Variants in ARHGAP15 observed in about 807,000 individuals in gnomAD.
The protein encoded by ARHGAP15 is Rho GTPase activating protein 15, also known as rho GTPase-activating protein 15.
ARHGAP15 carries 51 observed loss-of-function variants against 63.7 expected under a neutral mutation model. The ratio of observed to expected loss-of-function variants is 0.80; its 90% confidence interval spans 0.64 to 1.01. The LOEUF is 1.01. ARHGAP15 is among the 50% of genes least tolerant of loss of function. The pLI is 0.00. For missense variants in ARHGAP15, 560 were observed against 564.6 expected, an observed-to-expected ratio of 0.99 and a Z score of 0.08; for synonymous variants, 191 against 193.8, an observed-to-expected ratio of 0.99 and a Z score of 0.12.
intron 6 of ARHGAP15, among the ~76,000 whole-genome samples, chr2:143,368,955 T>C (rs1686419399): frequency 6.6e-6 from 1 of 152,044 alleles, no homozygotes; most frequent in Non-Finnish European, 1.5e-5. Flanking sequence ...AAATGTATAG[T>C]CAACAGAGAA....
chr2:143,324,258 T>C (rs527870366), intron 6 of ARHGAP15, among the ~76,000 whole-genome samples: 3 of 151,926 alleles, frequency 2.0e-5, no homozygotes, highest in African/African-American at 4.8e-5. Context: ...AAGGTTAATA[T>C]TTTTTTTACA....
chr2:143,672,507 A>G (rs77807267), intron 12 of ARHGAP15, among the ~76,000 whole-genome samples: 2,879 of 152,310 alleles, frequency 0.019, 76 homozygotes, highest in African/African-American at 0.065. Context: ...ATTTTATCAC[A>G]TAATATCTGT....
chr2:143,270,675 T>C (rs1043638675), intron 6 of ARHGAP15, among the ~76,000 whole-genome samples: 2 of 152,214 alleles, frequency 1.3e-5, no homozygotes, highest in Non-Finnish European at 2.9e-5. Flanking sequence ...ATAGTATTAC[T>C]GTTTTAGTTA....
chr2:143,235,924 C>T (rs762052875), intron 5 of ARHGAP15: 8 of 1,543,370 alleles, frequency 5.2e-6, no homozygotes, highest in Non-Finnish European at 7.0e-6. Flanking sequence ...TCCTAAGTAC[C>T]TGCTGTACTT....
intron 12 of ARHGAP15, among the ~76,000 whole-genome samples, chr2:143,684,676 T>C (rs1236823369): frequency 1.3e-5 from 2 of 152,226 alleles, no homozygotes; most frequent in Non-Finnish European, 2.9e-5. Context: ...GTTAAACTGA[T>C]GTAGCATGCA....
In ARHGAP15 at chr2:143,511,770, T is replaced by A. The variant is rs919938831; in HGVS notation, c.827-7496T>A. ...CATGGCTCAAATGGATTTCTATCATTGAATTGTCCTCCTTGGTGTATGAAA... is the reference window on the plus strand; with the variant it reads ...CATGGCTCAAATGGATTTCTATCATAGAATTGTCCTCCTTGGTGTATGAAA... On this transcript the variant is annotated intron_variant, in intron 9 of 13. Coordinates refer to ENST00000295095, the MANE Select transcript of ARHGAP15 (RefSeq NM_018460.4). Among the ~76,000 whole-genome samples the A allele has an allele frequency of 3.9e-5, 6 of 152,238 alleles. No individual in the cohort carries two copies. In the South Asian group the frequency reaches 1.2e-3, roughly 32 times the overall value.
chr2:143,762,467 A>C (rs1268171207), intron 13 of ARHGAP15, among the ~76,000 whole-genome samples: 1 of 152,198 alleles, frequency 6.6e-6, no homozygotes, highest in Admixed American at 6.6e-5. Flanking sequence ...AGAGGGGTGG[A>C]ACTAGCCGGA....
chr2:143,310,167 ATGTTATTTTTT>A (rs1683372378), intron 6 of ARHGAP15, among the ~76,000 whole-genome samples: 1 of 152,012 alleles, frequency 6.6e-6, no homozygotes, highest in African/African-American at 2.4e-5. Context: ...AAGCAGTCTG[ATGTTATTTTTT>A]TGTTTACAGT....
chr2:143,535,898 C>T (rs1694732961), intron 10 of ARHGAP15, among the ~76,000 whole-genome samples: 1 of 152,084 alleles, frequency 6.6e-6, no homozygotes, highest in Non-Finnish European at 1.5e-5. Context: ...TATCAATGAA[C>T]ATCAGCATAT....
At chr2:143,584,585 C>T (rs1407569126) in intron 11 of ARHGAP15, among the ~76,000 whole-genome samples, 5 of 152,032 alleles carry the variant, frequency 3.3e-5, no homozygotes. Flanking sequence ...AAGATCATGC[C>T]ACTGCACTCA....
chr2:143,459,668 A>T (rs1690832921), intron 8 of ARHGAP15, among the ~76,000 whole-genome samples: 1 of 152,172 alleles, frequency 6.6e-6, no homozygotes, highest in African/African-American at 2.4e-5. Context: ...TGTACTCCTC[A>T]AACGATTTCA....
chr2:143,272,573 A>G (rs1681340266), intron 6 of ARHGAP15, among the ~76,000 whole-genome samples: 1 of 152,172 alleles, frequency 6.6e-6, no homozygotes, highest in Non-Finnish European at 1.5e-5. Context: ...GAATTGCTTG[A>G]TCCCAGGAGA....
intron 8 of ARHGAP15, among the ~76,000 whole-genome samples, chr2:143,445,314 C>T (rs1215990442): frequency 4.0e-5 from 6 of 151,846 alleles, no homozygotes; most frequent in Admixed American, 2.6e-4. Flanking sequence ...GCTCGGGCAA[C>T]ACCACGCCTG....
intron 13 of ARHGAP15, among the ~76,000 whole-genome samples, chr2:143,727,990 T>C (rs914798769): frequency 6.6e-6 from 1 of 152,240 alleles, no homozygotes; most frequent in Non-Finnish European, 1.5e-5. Context: ...TTTTTCTATA[T>C]TATACTGCAG....
At chr2:143,635,504 C>A (rs993525514) in intron 12 of ARHGAP15, among the ~76,000 whole-genome samples, 1 of 152,066 alleles carries the variant, frequency 6.6e-6, no homozygotes. Context: ...CCTTAAATAG[C>A]TTCTAGGACT....
intron 2 of ARHGAP15, among the ~76,000 whole-genome samples, chr2:143,166,313 T>A (rs535954409): frequency 6.6e-6 from 1 of 152,248 alleles, no homozygotes; most frequent in East Asian, 1.9e-4. Flanking sequence ...CGTTGAGTGG[T>A]CACCATCTCA....
At chr2:143,519,673 G>T (rs1410290112) in intron 10 of ARHGAP15, among the ~76,000 whole-genome samples, 1 of 152,168 alleles carries the variant, frequency 6.6e-6, no homozygotes, top group Non-Finnish European at 1.5e-5. Flanking sequence ...CACTCACAGT[G>T]TTAGAACCTT....
chr2:143,551,253 G>A (rs1294505565), intron 10 of ARHGAP15, among the ~76,000 whole-genome samples: 3 of 152,200 alleles, frequency 2.0e-5, no homozygotes, highest in African/African-American at 7.2e-5. Context: ...CTGGGCTCAA[G>A]TGATTCTCCT....
intron 12 of ARHGAP15, among the ~76,000 whole-genome samples, chr2:143,645,526 T>C (rs1442799021): frequency 6.6e-6 from 1 of 152,146 alleles, no homozygotes; most frequent in Admixed American, 6.6e-5. Context: ...ACAGCAGGTA[T>C]GAGCACTCAC....
Sources: allele counts gnomAD v4.1 joint callset (sites outside exome capture counted in the v4.1 genomes callset), GRCh38; gene constraint gnomAD v4.1.1; transcripts MANE v1.5; gene names NCBI Gene and HGNC (gene_info 2026-07-23, HGNC 2026-07-21).